The following GUCY1B1 variants were observed in gnomAD, a reference collection of about 807,000 sequenced individuals.
GUCY1B1 encodes guanylate cyclase soluble subunit beta-1.
Under a neutral mutation model 71.0 loss-of-function variants are expected in GUCY1B1, and 43 were observed. The observed-to-expected ratio is 0.61, with a 90% CI of 0.47 to 0.78. The LOEUF is 0.78. GUCY1B1 is among the 30% of genes least tolerant of loss of function. GUCY1B1 has a pLI of 0.00. For synonymous variants in GUCY1B1, 266 were observed against 259.7 expected (o/e 1.02, Z -0.23); for missense variants, 535 against 754.1 (o/e 0.71, Z 3.40).
chr4:155,807,354 T>C lies in GUCY1B1; in HGVS notation c.*945T>C, dbSNP rs922608719. The C allele has an allele frequency of 1.3e-5, 2 of 152,186 alleles. No homozygotes were observed. The allele number at this position is 152,186 out of a possible 1,614,324, so 9.4% of individuals were successfully genotyped here. Reference sequence around the variant, plus strand: ...ATGTGATTATATCCAGGACATCATGTTCAGAAAACTTAGTTTACTTTCAGC... The same window carrying C: ...ATGTGATTATATCCAGGACATCATGCTCAGAAAACTTAGTTTACTTTCAGC... On this transcript the variant is annotated 3_prime_UTR_variant, in exon 14 of 14. Transcript: ENST00000264424.
At chr4:155,804,120 T>G (rs1740145520) in intron 11 of GUCY1B1, among the ~76,000 whole-genome samples, 1 of 152,200 alleles carries the variant, frequency 6.6e-6, no homozygotes, top group Admixed American at 6.5e-5. Flanking sequence ...GATATTTCCC[T>G]GGGGAGATAG....
At position 155,802,595 on chromosome 4, in the gene GUCY1B1, C is replaced by T. The variant is rs17313765; in HGVS notation, c.1413+16C>T. ...TGTTTATAAGGCAAGTGTTCTTTAT[C>T]GCTGACTGCAGAGCTATCCAGAGGC... is the stretch of plus-strand genomic sequence containing the variant. On this transcript the variant is annotated intron_variant, in intron 10 of 13. Transcript: ENST00000264424. This position sits in a 1 kb window ranked among gnomAD's most constrained non-coding sequence, Gnocchi z 4.3. 117,003 of 1,550,872 alleles carry T rather than the reference C, an allele frequency of 0.075. 4,954 individuals are homozygous for T. Among genetic ancestry groups the T allele is most frequent in the Non-Finnish European group, 0.089 (101,821 of 1,148,280 alleles).
intron 4 of GUCY1B1, 74 bp from the exon 5 acceptor site, chr4:155,789,640 A>C: frequency 1.2e-6 from 1 of 845,056 alleles, no homozygotes; most frequent in Admixed American, 2.3e-5. Flanking sequence ...ACTCGTTTTC[A>C]TATCTTGCTT....
intron 4 of GUCY1B1, 58 bp downstream of exon 4, chr4:155,777,700 ACT>A: frequency 1.2e-6 from 1 of 825,538 alleles, no homozygotes; most frequent in Non-Finnish European, 2.1e-6. Context: ...TCAAATATAG[ACT>A]CTAGAATACT....
In GUCY1B1 at chr4:155,804,411, G is replaced by A. The variant is rs184920019; in HGVS notation, c.1555-182G>A. Among the ~76,000 whole-genome samples the A allele has an allele frequency of 1.7e-4, 26 of 152,012 alleles. No homozygotes were observed. The South Asian group carries it at 1.9e-3, about 11-fold the overall frequency. On this transcript the variant is annotated intron_variant, in intron 11 of 13. Coordinates refer to ENST00000264424, the MANE Select transcript of GUCY1B1 (RefSeq NM_000857.5). ...GAGCATTAGGACAAATACCTAATAC[G>A]TGCGGGGCTTAAAACCTAGATAATG...
intron 4 of GUCY1B1, among the ~76,000 whole-genome samples, chr4:155,778,706 C>T (rs1738220014): frequency 2.0e-5 from 3 of 152,176 alleles, no homozygotes. Flanking sequence ...CTGCCACTTC[C>T]AAATGAAGTA....
Position 155,800,074 on chromosome 4 carries a change from C to T in GUCY1B1, c.1175C>T (p.Thr392Ile), listed in dbSNP as rs2229203. The change falls in exon 9 of 14, where the codon ACA becomes ATA. Residue 392 changes from threonine (T) to isoleucine (I), a missense_variant and splice_region_variant. Transcript: ENST00000264424. ...ALEDEKKKTD[T>I]LLYSVLPPSV... ...GAAGATGAAAAGAAAAAGACAGACA[C>T]GTAAGAATGTAACGCTTGGAGCACT... is the stretch of plus-strand genomic sequence containing the variant. The T allele has an allele frequency of 3.6e-4, 582 of 1,599,958 alleles. 2 individuals are homozygous for T. In the African/African-American group the frequency reaches 6.4e-3, roughly 18 times the overall value.
rs1205881418 is a variant in GUCY1B1, at chr4:155,795,547, A to C, written c.843+90A>C. Reference sequence around the variant, plus strand: ...GGAAAATTATCACATTCTCTGAGAAAGTATAGAGAGATAAAACCCAGACCT... The same window carrying C: ...GGAAAATTATCACATTCTCTGAGAACGTATAGAGAGATAAAACCCAGACCT... On this transcript the variant is annotated intron_variant, in intron 7 of 13. Coordinates refer to ENST00000264424, the MANE Select transcript of GUCY1B1 (RefSeq NM_000857.5). 8 of 634,422 alleles carry C rather than the reference A, an allele frequency of 1.3e-5. 1 individual carries two copies. The highest frequency in any genetic ancestry group is 2.2e-5 in the Non-Finnish European group (8 of 364,852). The allele number at this position is 634,422 out of a possible 1,614,324, so 39.3% of individuals were successfully genotyped here. A position where few individuals can be genotyped will look rare whatever the true frequency, so the allele number is the denominator to read the frequency against.
rs1397477013 is a variant in GUCY1B1, at chr4:155,807,432, A to T, written c.*1023A>T. Reference sequence around the variant, plus strand: ...GGCCTCTAGCTCTTAAATGTCTCTGATAACTTATTAATATCTATCTTTATA... The same window carrying T: ...GGCCTCTAGCTCTTAAATGTCTCTGTTAACTTATTAATATCTATCTTTATA... On this transcript the variant is annotated 3_prime_UTR_variant, in exon 14 of 14. Transcript: ENST00000264424. 6.6e-6 allele frequency: 1 copy of T among 152,186 alleles called. No individual in the cohort carries two copies. Among genetic ancestry groups the T allele is most frequent in the Non-Finnish European group, 1.5e-5 (1 of 68,022 alleles). 9.4% of individuals were successfully genotyped at this position (152,186 alleles called of 1,614,324 possible).
At chr4:155,791,853 A>G (rs1739206643) in intron 5 of GUCY1B1, among the ~76,000 whole-genome samples, 1 of 151,922 alleles carries the variant, frequency 6.6e-6, no homozygotes, top group Non-Finnish European at 1.5e-5. Flanking sequence ...ATTTTTATTT[A>G]ACCAGACTGA....
chr4:155,769,191 T>C (rs900002723), intron 2 of GUCY1B1, among the ~76,000 whole-genome samples: 1 of 152,256 alleles, frequency 6.6e-6, no homozygotes, highest in Admixed American at 6.5e-5. Flanking sequence ...CGGAGGTAAC[T>C]GCTGCTGTTA....
chr4:155,793,110 C>T (rs985642695), intron 5 of GUCY1B1, among the ~76,000 whole-genome samples: 1 of 152,038 alleles, frequency 6.6e-6, no homozygotes, highest in African/African-American at 2.4e-5. Flanking sequence ...GAGTCTCGTT[C>T]TGTCGCCCAG....
chr4:155,764,738 A>G (rs950859158), intron 2 of GUCY1B1, among the ~76,000 whole-genome samples: 4 of 152,188 alleles, frequency 2.6e-5, no homozygotes, highest in African/African-American at 9.7e-5. Flanking sequence ...GTTGGCTGTT[A>G]AGCTTACTAA....
chr4:155,772,121 A>AT (rs1554009386), intron 2 of GUCY1B1, among the ~76,000 whole-genome samples: 1 of 152,120 alleles, frequency 6.6e-6, no homozygotes, highest in Non-Finnish European at 1.5e-5. Context: ...CGTTTTCATA[A>AT]TTTTTTGATA....
intron 4 of GUCY1B1, among the ~76,000 whole-genome samples, chr4:155,786,271 CT>C (rs33996424): frequency 3.0e-4 from 37 of 123,784 alleles, no homozygotes; most frequent in East Asian, 1.4e-3. Context: ...GTTCAATTTC[CT>C]TTTTTTTTTT....
intron 1 of GUCY1B1, 26 bp from the exon 2 acceptor site, chr4:155,759,761 G>T (rs372135811): frequency 1.0e-5 from 16 of 1,587,490 alleles, no homozygotes; most frequent in Admixed American, 6.7e-5. Flanking sequence ...GGTCCCTGAC[G>T]CTCAAGTCTC....
intron 8 of GUCY1B1, among the ~76,000 whole-genome samples, chr4:155,799,603 A>G (rs1739804613): frequency 6.6e-6 from 1 of 152,208 alleles, no homozygotes; most frequent in African/African-American, 2.4e-5. Context: ...TATCATAGAG[A>G]TGTTTTCTAC....
At chr4:155,793,812 C>T in intron 5 of GUCY1B1, 44 bp from the exon 6 acceptor site, 1 of 848,478 alleles carries the variant, frequency 1.2e-6, no homozygotes, top group South Asian at 1.5e-5. Context: ...TTTTATTAAA[C>T]TGAAATGAAG....
intron 2 of GUCY1B1, among the ~76,000 whole-genome samples, chr4:155,762,364 T>G (rs1737054827): frequency 6.6e-6 from 1 of 152,230 alleles, no homozygotes; most frequent in African/African-American, 2.4e-5. Context: ...TACCAAACTC[T>G]TATTTTTTCT....
Sources: allele counts gnomAD v4.1 joint callset (sites outside exome capture counted in the v4.1 genomes callset), GRCh38; gene constraint gnomAD v4.1.1; non-coding constraint Gnocchi (gnomAD v3.1); transcripts MANE v1.5; gene names NCBI Gene and HGNC (gene_info 2026-07-23, HGNC 2026-07-21).